Variants in ULK4 observed in about 807,000 individuals in gnomAD.
ULK4 encodes inactive serine/threonine-protein kinase ULK4.
A neutral mutation model predicts 160.6 loss-of-function variants in ULK4; 133 were observed. That is an observed-to-expected ratio of 0.83 (90% CI 0.72 to 0.96). The LOEUF is 0.96. Among genes scored for constraint, ULK4 ranks in the 40% least tolerant of loss-of-function variants. The pLI is 0.00. For missense variants in ULK4, 1,580 were observed against 1,499.5 expected, an observed-to-expected ratio of 1.05 and a Z score of -0.89; for synonymous variants, 534 against 539.8, an observed-to-expected ratio of 0.99 and a Z score of 0.15.
intron 19 of ULK4, among the ~76,000 whole-genome samples, chr3:41,807,986 G>A (rs2040700361): frequency 6.6e-6 from 1 of 152,076 alleles, no homozygotes; most frequent in African/African-American, 2.4e-5. Context: ...TTGGGGACAG[G>A]CCCACCCACA....
chr3:41,717,843 C>G lies in ULK4; in HGVS notation c.2340G>C (p.Glu780Asp). The G allele has an allele frequency of 2.5e-6, 4 of 1,614,078 alleles. No individual in the cohort carries two copies. The South Asian group carries it at 4.4e-5, about 18-fold the overall frequency. The change falls in exon 23 of 37, where the codon GAG (glutamate) becomes GAC (aspartate). Residue 780 changes from glutamate to aspartate, a missense_variant. Coordinates refer to ENST00000301831, the MANE Select transcript of ULK4 (RefSeq NM_017886.4). The stretch of plus-strand genomic sequence containing the variant: ...CTGGAGTGGTCTTTCTGCTGTCTCT[C>G]TCGATGTACATCACCAGTCTACATA... The part of the protein sequence containing the change: ...SCQARLVMYI[E>D]RDSRKTTPGK...
At position 41,717,572 on chromosome 3, in the gene ULK4, A is replaced by C. The variant is rs556997743; in HGVS notation, c.2455+156T>G. ...GCAAAATAATTACAAAAACAGATAA[A>C]GCAAATTTAAATCTTGAAACTACAT... On this transcript the variant is annotated intron_variant, in intron 23 of 36. Transcript: ENST00000301831. Among the ~76,000 whole-genome samples the C allele has an allele frequency of 2.0e-4, 31 of 152,342 alleles. No homozygotes were observed. The South Asian group carries it at 6.2e-3, about 31-fold the overall frequency.
intron 20 of ULK4, 85 bp downstream of exon 20, chr3:41,800,047 T>G (rs1369318670): frequency 1.5e-5 from 19 of 1,250,062 alleles, no homozygotes; most frequent in Non-Finnish European, 1.9e-5. Context: ...TCTATTAAAT[T>G]AAATTTATTC....
At chr3:41,473,587 G>A (rs1037208925) in intron 32 of ULK4, among the ~76,000 whole-genome samples, 1 of 148,938 alleles carries the variant, frequency 6.7e-6, no homozygotes, top group Non-Finnish European at 1.5e-5. Flanking sequence ...GCTTGAACCT[G>A]GTAGGCGGAG....
At chr3:41,439,424 C>A (rs1258836808) in intron 34 of ULK4, among the ~76,000 whole-genome samples, 1 of 152,096 alleles carries the variant, frequency 6.6e-6, no homozygotes, top group Non-Finnish European at 1.5e-5. Flanking sequence ...ATGGAGGAAA[C>A]CACCGAACAA....
chr3:41,652,465 G>A lies in ULK4; in HGVS notation c.3071+11142C>T, dbSNP rs187616893. On this transcript the variant is annotated intron_variant, in intron 30 of 36. Transcript: ENST00000301831. ...TTGTTTCTGCAGGAGATACAGTGACGAGTTATATCATAATTAACATAAAAA... is the reference window on the plus strand; with the variant it reads ...TTGTTTCTGCAGGAGATACAGTGACAAGTTATATCATAATTAACATAAAAA... 2.8e-3 allele frequency among the ~76,000 whole-genome samples: 425 copies of A among 152,224 alleles called. 1 individual carries two copies. Among genetic ancestry groups the A allele is most frequent in the Non-Finnish European group, 4.2e-3 (285 of 68,012 alleles).
At chr3:41,359,940 C>T (rs2081108786) in intron 35 of ULK4, among the ~76,000 whole-genome samples, 1 of 152,082 alleles carries the variant, frequency 6.6e-6, no homozygotes, top group African/African-American at 2.4e-5. Flanking sequence ...TACAATTAAA[C>T]TAAAGAGCTT....
intron 18 of ULK4, among the ~76,000 whole-genome samples, chr3:41,833,297 T>TTTTTTTTTTGTTTTTTTTTTG (rs2041654136): frequency 7.2e-6 from 1 of 138,994 alleles, no homozygotes. Flanking sequence ...TTTTTTTTTT[T>TTTTTTTTTTGTTTTTTTTTTG]TTTGTTTGTT....
intron 18 of ULK4, among the ~76,000 whole-genome samples, chr3:41,829,876 G>A (rs1332959284): frequency 2.0e-5 from 3 of 149,678 alleles, no homozygotes; most frequent in Non-Finnish European, 4.4e-5. Flanking sequence ...ATTCACAATA[G>A]CAAAGACTTG....
chr3:41,502,102 G>A (rs1006011279), intron 32 of ULK4, among the ~76,000 whole-genome samples: 2 of 152,096 alleles, frequency 1.3e-5, no homozygotes, highest in Non-Finnish European at 2.9e-5. Context: ...ATCCACTGAT[G>A]GACATTTAAA....
chr3:41,905,717 A>C (rs1352206848), intron 12 of ULK4, among the ~76,000 whole-genome samples: 1 of 152,196 alleles, frequency 6.6e-6, no homozygotes, highest in East Asian at 1.9e-4. Flanking sequence ...ATAAACACAT[A>C]AAAAGATACT....
intron 32 of ULK4, among the ~76,000 whole-genome samples, chr3:41,502,446 T>C (rs1157397719): frequency 1.3e-5 from 2 of 152,222 alleles, no homozygotes; most frequent in Non-Finnish European, 2.9e-5. Flanking sequence ...ATCTCACCTC[T>C]AGGTATTTGC....
At chr3:41,473,682 A>AG (rs2084056188) in intron 32 of ULK4, among the ~76,000 whole-genome samples, 1 of 150,858 alleles carries the variant, frequency 6.6e-6, no homozygotes, top group Admixed American at 6.6e-5. Context: ...AAAAAAAAAA[A>AG]AAGAAGAACT....
chr3:41,799,743 G>C (rs2040400948), intron 20 of ULK4, among the ~76,000 whole-genome samples: 1 of 152,076 alleles, frequency 6.6e-6, no homozygotes, highest in South Asian at 2.1e-4. Context: ...CATGCCTGTA[G>C]TCCCAGCTAC....
chr3:41,695,967 G>A (rs2036482411), intron 27 of ULK4, among the ~76,000 whole-genome samples: 1 of 152,190 alleles, frequency 6.6e-6, no homozygotes, highest in African/African-American at 2.4e-5. Context: ...GTTATACCCG[G>A]ACAGGGCCAC....
chr3:41,899,145 G>A (rs978585638), intron 13 of ULK4: 9 of 151,924 alleles, frequency 5.9e-5, no homozygotes, highest in South Asian at 2.1e-4. Flanking sequence ...AGCCATAATA[G>A]CATGAATTGG....
chr3:41,546,910 A>G (rs1390125469), intron 32 of ULK4, among the ~76,000 whole-genome samples: 1 of 152,140 alleles, frequency 6.6e-6, no homozygotes, highest in Non-Finnish European at 1.5e-5. Context: ...TTTTGACAAG[A>G]GGTCAGCTAT....
chr3:41,887,412 T>C (rs572697008), intron 16 of ULK4, among the ~76,000 whole-genome samples: 36 of 152,376 alleles, frequency 2.4e-4, no homozygotes, highest in Middle Eastern at 3.4e-3. Context: ...CACAAAGATA[T>C]TGGAATTATT....
At chr3:41,560,647 T>C (rs573239520) in intron 32 of ULK4, among the ~76,000 whole-genome samples, 2 of 152,338 alleles carry the variant, frequency 1.3e-5, no homozygotes, top group Admixed American at 1.3e-4. Flanking sequence ...AGTTCACTTA[T>C]GATTTGGTTC....
Sources: gnomAD v4.1 joint callset for allele counts (sites outside exome capture counted in the v4.1 genomes callset) on GRCh38, gnomAD v4.1.1 for gene constraint, MANE v1.5 for transcripts, NCBI Gene and HGNC (gene_info 2026-07-23, HGNC 2026-07-21) for gene names.